PWWP3A: variants seen among roughly 807,000 people sequenced by gnomAD.
PWWP3A encodes PWWP domain-containing DNA repair factor 3A.
Under a neutral mutation model 79.0 loss-of-function variants are expected in PWWP3A, and 53 were observed. The observed-to-expected ratio is 0.67, with a 90% CI of 0.54 to 0.84. The LOEUF (loss-of-function observed/expected upper bound fraction) is 0.84. PWWP3A is among the 40% of genes least tolerant of loss of function. PWWP3A has a pLI of 0.00. For synonymous variants in PWWP3A, 443 were observed against 394.4 expected (o/e 1.12, Z -1.46); for missense variants, 973 against 948.0 (o/e 1.03, Z -0.35).
rs1339416849 is a variant in PWWP3A, at chr19:1,368,550, C to T, written c.1423-715C>T. ...GGCCCTGGGATGTGCTTATGGGGTGCCCCCGTACCCCTAGTGGCCCTCGGC... is the reference window on the plus strand; with the variant it reads ...GGCCCTGGGATGTGCTTATGGGGTGTCCCCGTACCCCTAGTGGCCCTCGGC... On this transcript the variant is annotated intron_variant, in intron 9 of 13. Transcript: ENST00000591337. This position sits in a 1 kb window ranked among gnomAD's most constrained non-coding sequence, Gnocchi z 4.7. Among the ~76,000 whole-genome samples, 2 of 152,136 alleles carry T rather than the reference C, an allele frequency of 1.3e-5. No homozygotes were observed. The highest frequency in any genetic ancestry group is 4.8e-5 in the African/African-American group (2 of 41,432).
At chr19:1,366,698 G>A (rs2082136197) in intron 8 of PWWP3A, among the ~76,000 whole-genome samples, 1 of 152,236 alleles carries the variant, frequency 6.6e-6, no homozygotes, top group Non-Finnish European at 1.5e-5. Flanking sequence ...CCAGCAAAAT[G>A]TCCACGCAGG....
intron 13 of PWWP3A, among the ~76,000 whole-genome samples, chr19:1,375,537 T>TATATA (rs1162661703): frequency 2.1e-5 from 2 of 96,176 alleles, no homozygotes; most frequent in East Asian, 2.5e-4. Context: ...ATTTATATAT[T>TATATA]TTATATATAA....
chr19:1,376,610 G>C lies in PWWP3A; in HGVS notation c.*34G>C. The C allele has an allele frequency of 6.2e-7, 1 of 1,611,000 alleles. No homozygotes were observed. On this transcript the variant is annotated 3_prime_UTR_variant, in exon 14 of 14. Coordinates refer to ENST00000591337, the MANE Select transcript of PWWP3A (RefSeq NM_001369789.1). ...CCGGCTGTGCTGTCAGCGGGGCCTG[G>C]CGGTGGAAGCGCCTCCAGTGTGCAT...
At chr19:1,357,226 A>G (rs1285188249) in intron 3 of PWWP3A, 132 bp downstream of exon 3, 5 of 643,476 alleles carry the variant, frequency 7.8e-6, no homozygotes, top group Non-Finnish European at 1.3e-5. Flanking sequence ...GTAATTCATT[A>G]ATGCTCATAA....
At chr19:1,376,408 C>G in intron 13 of PWWP3A, 111 bp from the exon 14 acceptor site, 1 of 984,774 alleles carries the variant, frequency 1.0e-6, no homozygotes, top group East Asian at 3.0e-5. Context: ...CCTGCCTCGG[C>G]CTCCCAAAGT....
intron 6 of PWWP3A, among the ~76,000 whole-genome samples, chr19:1,362,683 G>A (rs1398233241): frequency 6.6e-6 from 1 of 152,348 alleles, no homozygotes; most frequent in Admixed American, 6.5e-5. Flanking sequence ...GAGGGGCTGC[G>A]TCGCCATTGC....
Position 1,360,300 on chromosome 19 carries a change from G to A in PWWP3A, c.379G>A (p.Val127Ile). ...RSLRGKPMEH[V>I]SSPCDSNSSS... ...TCTGCGAGGGAAGCCCATGGAGCAT[G>A]TCTCCTCGCCCTGTGATTCGAACTC... Residue 127 changes from valine to isoleucine, a missense_variant, in exon 5 of 14, where the codon GTC (valine) becomes ATC (isoleucine). Transcript: ENST00000591337. The surrounding 1 kb of genome is among the most constrained non-coding windows in gnomAD (Gnocchi z 4.4). The A allele has an allele frequency of 1.2e-6, 2 of 1,613,940 alleles. No individual in the cohort carries two copies. Among genetic ancestry groups the A allele is most frequent in the Non-Finnish European group, 8.5e-7 (1 of 1,179,880 alleles).
In PWWP3A at chr19:1,370,802, G is replaced by A; in HGVS notation, c.1710G>A (p.Arg570=). ...ACCGCTCGCGGGCCGCCCGGGACCGGGCCAACCAGAAGCTGGTGGAGTACA... is the reference window on the plus strand; with the variant it reads ...ACCGCTCGCGGGCCGCCCGGGACCGAGCCAACCAGAAGCTGGTGGAGTACA... ...LPDRSRAARD[R]ANQKLVEYIV... Residue 570 remains arginine, a synonymous_variant, in exon 12 of 14, where the codon CGG becomes CGA. Coordinates refer to ENST00000591337, the MANE Select transcript of PWWP3A (RefSeq NM_001369789.1). The A allele has an allele frequency of 6.4e-7, 1 of 1,563,152 alleles. No individual in the cohort carries two copies. Among genetic ancestry groups the A allele is most frequent in the Non-Finnish European group, 8.7e-7 (1 of 1,153,002 alleles).
intron 6 of PWWP3A, among the ~76,000 whole-genome samples, chr19:1,362,603 C>T (rs1028867148): frequency 1.3e-5 from 2 of 152,244 alleles, no homozygotes; most frequent in African/African-American, 4.8e-5. Flanking sequence ...TAGAGCATTA[C>T]TCCTGTCACT....
At chr19:1,362,969 T>G (rs1218769937) in intron 6 of PWWP3A, among the ~76,000 whole-genome samples, 1 of 152,250 alleles carries the variant, frequency 6.6e-6, no homozygotes, top group Admixed American at 6.5e-5. Context: ...GACTCGCCCG[T>G]GAACCATTCC....
At chr19:1,366,557 C>A (rs112231560) in intron 8 of PWWP3A, among the ~76,000 whole-genome samples, 176 bp downstream of exon 8, 1,781 of 152,296 alleles carry the variant, frequency 0.012, 13 homozygotes, top group African/African-American at 0.019. Flanking sequence ...CCTCTCACTC[C>A]CTGGGATGGG....
Position 1,360,991 on chromosome 19 carries a change from C to A in PWWP3A, c.1070C>A (p.Thr357Asn). The change falls in exon 5 of 14, where the codon ACC becomes AAC. Residue 357 changes from threonine (T) to asparagine (N), a missense_variant. Transcript: ENST00000591337. This position sits in a 1 kb window ranked among gnomAD's most constrained non-coding sequence, Gnocchi z 4.4. ...CCCTCCCACGCCTCTGCGGATGCAACCAGATGTCTTCCTTGCCCGGATTCC... is the reference window on the plus strand; with the variant it reads ...CCCTCCCACGCCTCTGCGGATGCAAACAGATGTCTTCCTTGCCCGGATTCC... ...PPPSHASADA[T>N]RCLPCPDSQK... The A allele has an allele frequency of 6.9e-7, 1 of 1,444,510 alleles. No individual in the cohort carries two copies. The highest frequency in any genetic ancestry group is 9.1e-7 in the Non-Finnish European group (1 of 1,097,496). The allele number at this position is 1,444,510 out of a possible 1,614,324, so 89.5% of individuals were successfully genotyped here.
rs1192355787 is a variant in PWWP3A at position 1,376,304 on chromosome 19, TTTGTTTG to T, written c.2076-212_2076-206del. On this transcript the variant is annotated intron_variant, in intron 13 of 13. Transcript: ENST00000591337. Reference sequence around the variant, plus strand: ...CCACGCCCGGCTGTTTGTTTTTTTTTTTGTTTGTTTTTTTTTTTTTTTGGTATTTTTT... The same window carrying T: ...CCACGCCCGGCTGTTTGTTTTTTTTTTTTTTTTTTTTTTTTGGTATTTTTT... Among the ~76,000 whole-genome samples, 55 of 98,088 alleles carry T rather than the reference TTTGTTTG, an allele frequency of 5.6e-4. 2 individuals are homozygous for T. The highest frequency in any genetic ancestry group is 1.7e-3 in the African/African-American group (33 of 19,712). 64.3% of individuals were successfully genotyped at this position (98,088 alleles called of 152,430 possible).
intron 7 of PWWP3A, among the ~76,000 whole-genome samples, chr19:1,365,993 T>C (rs968030045): frequency 2.0e-5 from 3 of 152,224 alleles, no homozygotes; most frequent in Non-Finnish European, 4.4e-5. Flanking sequence ...AGGACAAACC[T>C]GCCCTGCTGA....
At chr19:1,355,342 C>T (rs531175760) in intron 1 of PWWP3A, among the ~76,000 whole-genome samples, 15 of 152,084 alleles carry the variant, frequency 9.9e-5, no homozygotes, top group African/African-American at 3.6e-4. Context: ...TTTCCCGTCC[C>T]TGCCGCCCGG....
rs992714506 is a variant in PWWP3A, at chr19:1,373,235, G to A, written c.2075+75G>A. The A allele has an allele frequency of 8.8e-6, 12 of 1,358,298 alleles. No individual in the cohort carries two copies. In the African/African-American group the frequency reaches 1.7e-4, roughly 19 times the overall value. 84.1% of individuals were successfully genotyped at this position (1,358,298 alleles called of 1,614,324 possible). A position where few individuals can be genotyped will look rare whatever the true frequency, so the allele number is the denominator to read the frequency against. On this transcript the variant is annotated intron_variant, in intron 13 of 13. Coordinates refer to ENST00000591337, the MANE Select transcript of PWWP3A (RefSeq NM_001369789.1). ...GTTTCTATTTCCACACCCACAGGCA[G>A]TTTGACTCCAGGCTGCCGCAGCCCC... is the stretch of plus-strand genomic sequence containing the variant.
chr19:1,366,381 G>T lies in PWWP3A; in HGVS notation c.1361G>T (p.Gly454Val). The change falls in exon 8 of 14, where the codon GGT becomes GTT. Residue 454 changes from glycine (G) to valine (V), a missense_variant and splice_region_variant. Coordinates refer to ENST00000591337, the MANE Select transcript of PWWP3A (RefSeq NM_001369789.1). ...IEGHMNPKMK[G>V]FTVSLKSLKH... ...GGACACATGAACCCGAAAATGAAAG[G>T]GTAACCCGCTGTTCTTGGTTTCTGT... 1 of 1,614,048 alleles carries T rather than the reference G, an allele frequency of 6.2e-7. No individual in the cohort carries two copies.
rs2081865314 is a variant in PWWP3A, at chr19:1,356,335, G to A, written c.-58G>A. ...AAATTTCGTTCCAGGACACATTGGCGTGAGACCTGGGAGTACGTTGTGCCA... is the reference window on the plus strand; with the variant it reads ...AAATTTCGTTCCAGGACACATTGGCATGAGACCTGGGAGTACGTTGTGCCA... On this transcript the variant is annotated 5_prime_UTR_variant, in exon 2 of 14. In the 5' UTR this introduces an upstream ATG that the reference lacks. Coordinates refer to ENST00000591337, the MANE Select transcript of PWWP3A (RefSeq NM_001369789.1). 4 of 1,564,378 alleles carry A rather than the reference G, an allele frequency of 2.6e-6. No individual in the cohort carries two copies. Among genetic ancestry groups the A allele is most frequent in the Non-Finnish European group, 3.5e-6 (4 of 1,134,918 alleles).
chr19:1,364,473 CTTTT>C, intron 6 of PWWP3A, 32 bp from the exon 7 acceptor site: 2 of 1,321,806 alleles, frequency 1.5e-6, no homozygotes, highest in African/African-American at 1.5e-5. Context: ...CTTGTCTATT[CTTTT>C]TTTTTTGTTT....
Sources: gnomAD v4.1 joint callset for allele counts (sites outside exome capture counted in the v4.1 genomes callset) on GRCh38, gnomAD v4.1.1 for gene constraint, Gnocchi (gnomAD v3.1) non-coding constraint, MANE v1.5 for transcripts, NCBI Gene and HGNC (gene_info 2026-07-23, HGNC 2026-07-21) for gene names.